TTBK2: variants seen among roughly 807,000 people sequenced by gnomAD.
TTBK2 encodes the protein tau tubulin kinase 2.
Under a neutral mutation model 110.8 loss-of-function variants are expected in TTBK2, and 28 were observed. The observed-to-expected ratio is 0.25, with a 90% CI of 0.19 to 0.35. The LOEUF (loss-of-function observed/expected upper bound fraction) is 0.35, where lower values mean the gene tolerates loss of function less well. TTBK2 is among the 10% of genes least tolerant of loss of function. The pLI, the probability that TTBK2 is intolerant of heterozygous loss-of-function variation, is 1.00. For synonymous variants in TTBK2, 532 were observed against 527.3 expected, an observed-to-expected ratio of 1.01 and a Z score of -0.12; for missense variants, 1,369 against 1,500.3, an observed-to-expected ratio of 0.91 and a Z score of 1.45.
intron 6 of TTBK2, among the ~76,000 whole-genome samples, chr15:42,826,380 C>T (rs1892538164): frequency 6.6e-6 from 1 of 151,982 alleles, no homozygotes; most frequent in Admixed American, 6.6e-5. Context: ...ATAAGGAGAC[C>T]AAATAAGTCC....
intron 6 of TTBK2, among the ~76,000 whole-genome samples, chr15:42,823,366 G>T (rs919192414): frequency 6.6e-6 from 1 of 152,096 alleles, no homozygotes; most frequent in African/African-American, 2.4e-5. Flanking sequence ...TATATATATA[G>T]TTTAGGACTT....
At chr15:42,854,381 C>T (rs182365161) in intron 3 of TTBK2, among the ~76,000 whole-genome samples, 1 of 152,246 alleles carries the variant, frequency 6.6e-6, no homozygotes, top group East Asian at 1.9e-4. Context: ...AATATAAATA[C>T]AGCAAGTCCT....
intron 1 of TTBK2, among the ~76,000 whole-genome samples, chr15:42,882,283 G>GA (rs1895079965): frequency 6.6e-6 from 1 of 151,524 alleles, no homozygotes; most frequent in African/African-American, 2.4e-5. Flanking sequence ...AAATTAAACA[G>GA]AAAAAAATAT....
chr15:42,879,996 CA>C (rs71108186), intron 1 of TTBK2, among the ~76,000 whole-genome samples: 15,343 of 74,290 alleles, frequency 0.21, 670 homozygotes, highest in South Asian at 0.31. Context: ...GATCCTGTCT[CA>C]AAAAAAAAAA....
intron 9 of TTBK2, 179 bp from the exon 10 acceptor site, chr15:42,794,980 G>T: frequency 1.4e-6 from 1 of 729,714 alleles, no homozygotes; most frequent in Non-Finnish European, 2.3e-6. Flanking sequence ...GTGAATTAAT[G>T]TTGATTTTTC....
chr15:42,781,308 TG>T lies in TTBK2; in HGVS notation c.1197+2110del, dbSNP rs575391252. The stretch of plus-strand genomic sequence containing the variant: ...AACTTGTATGCACTTAACTCATGGA[TG>T]AAAAAAATCATTACGGAAAAATATT... On this transcript the variant is annotated intron_variant, in intron 11 of 14. Coordinates refer to ENST00000267890, the MANE Select transcript of TTBK2 (RefSeq NM_173500.4). Among the ~76,000 whole-genome samples the T allele has an allele frequency of 3.9e-3, 593 of 152,190 alleles. 2 individuals are homozygous for T. The highest frequency in any genetic ancestry group is 7.1e-3 in the Non-Finnish European group (482 of 68,012).
At chr15:42,919,273 C>T (rs1160968373) in intron 1 of TTBK2, among the ~76,000 whole-genome samples, 1 of 83,210 alleles carries the variant, frequency 1.2e-5, no homozygotes, top group Non-Finnish European at 2.5e-5. Flanking sequence ...ATCATTACTG[C>T]TTCTTTATTT....
intron 10 of TTBK2, among the ~76,000 whole-genome samples, chr15:42,788,417 G>A (rs559553837): frequency 6.6e-6 from 1 of 152,032 alleles, no homozygotes; most frequent in African/African-American, 2.4e-5. Flanking sequence ...ACCTTACTAC[G>A]ATCACGCTGT....
At chr15:42,755,636 T>C (rs2061936053) in intron 13 of TTBK2, among the ~76,000 whole-genome samples, 1 of 152,192 alleles carries the variant, frequency 6.6e-6, no homozygotes, top group Non-Finnish European at 1.5e-5. Context: ...AAATCTAAAA[T>C]GACCTTGGGA....
At chr15:42,808,708 C>T (rs1233208476) in intron 9 of TTBK2, among the ~76,000 whole-genome samples, 1 of 151,578 alleles carries the variant, frequency 6.6e-6, no homozygotes, top group African/African-American at 2.4e-5. Context: ...AAAAAAAAAG[C>T]CAGGCATGGT....
chr15:42,790,954 G>T (rs1291053729), intron 10 of TTBK2, among the ~76,000 whole-genome samples: 1 of 152,144 alleles, frequency 6.6e-6, no homozygotes, highest in East Asian at 1.9e-4. Flanking sequence ...CTCAATCTCA[G>T]CTCACTGCAA....
intron 9 of TTBK2, chr15:42,798,336 A>T (rs1053430325): frequency 4.4e-6 from 2 of 456,088 alleles, no homozygotes; most frequent in African/African-American, 4.0e-5. Context: ...TCCCTCTAAA[A>T]GGCATGTCCC....
chr15:42,807,055 G>A (rs940230221), intron 9 of TTBK2, among the ~76,000 whole-genome samples: 1 of 152,092 alleles, frequency 6.6e-6, no homozygotes, highest in Non-Finnish European at 1.5e-5. Context: ...TAATTCAGAT[G>A]TTATCAGAGT....
At chr15:42,817,634 A>G (rs1015150236) in intron 6 of TTBK2, among the ~76,000 whole-genome samples, 1 of 152,208 alleles carries the variant, frequency 6.6e-6, no homozygotes, top group Non-Finnish European at 1.5e-5. Context: ...AGTATGTGCC[A>G]CATACTAGAA....
chr15:42,841,003 A>AC (rs1488661347), intron 3 of TTBK2, among the ~76,000 whole-genome samples: 5 of 151,478 alleles, frequency 3.3e-5, no homozygotes, highest in Non-Finnish European at 5.9e-5. Flanking sequence ...GCATGCAAAG[A>AC]CCCCCCAAAA....
chr15:42,832,427 G>C (rs1387370331), intron 4 of TTBK2, among the ~76,000 whole-genome samples: 2 of 152,124 alleles, frequency 1.3e-5, no homozygotes, highest in Non-Finnish European at 2.9e-5. Flanking sequence ...ACACAAAACT[G>C]ATAAGAGTAT....
At chr15:42,874,526 A>G (rs1284352896) in intron 2 of TTBK2, among the ~76,000 whole-genome samples, 1 of 151,576 alleles carries the variant, frequency 6.6e-6, no homozygotes, top group Non-Finnish European at 1.5e-5. Context: ...CATGTTGGCC[A>G]GGCTGGTCTC....
In TTBK2 at chr15:42,916,900, A is replaced by G. The variant is rs554170789; in HGVS notation, c.-68+3538T>C. The stretch of plus-strand genomic sequence containing the variant: ...ATATTAATTATAAAACCATTTTGGT[A>G]AAAACATATATAATGGCAAATATGT... On this transcript the variant is annotated intron_variant, in intron 1 of 14. Transcript: ENST00000267890. Among the ~76,000 whole-genome samples the G allele has an allele frequency of 5.3e-5, 8 of 152,336 alleles. No individual in the cohort carries two copies. In the South Asian group the frequency reaches 1.4e-3, roughly 28 times the overall value.
At chr15:42,788,356 G>T (rs1890499647) in intron 10 of TTBK2, among the ~76,000 whole-genome samples, 1 of 152,100 alleles carries the variant, frequency 6.6e-6, no homozygotes, top group African/African-American at 2.4e-5. Flanking sequence ...TGGGCAGGAG[G>T]TATAGTCTCT....
Sources: gnomAD v4.1 joint callset for allele counts (sites outside exome capture counted in the v4.1 genomes callset) on GRCh38, gnomAD v4.1.1 for gene constraint, MANE v1.5 for transcripts, NCBI Gene and HGNC (gene_info 2026-07-23, HGNC 2026-07-21) for gene names.